Variants in FGF12 observed in about 807,000 individuals in gnomAD.
FGF12 encodes the protein fibroblast growth factor 12B.
Under a neutral mutation model 23.6 loss-of-function variants are expected in FGF12, and 14 were observed. The observed-to-expected ratio is 0.59, with a 90% CI of 0.39 to 0.93. The LOEUF (loss-of-function observed/expected upper bound fraction) is 0.93, where lower values mean the gene tolerates loss of function less well. FGF12 is among the 40% of genes least tolerant of loss of function. The pLI is 0.00. For missense variants in FGF12, 175 were observed against 217.8 expected (o/e 0.80, Z 1.24); for synonymous variants, 62 against 77.3 (o/e 0.80, Z 1.04).
chr3:192,311,020 A>G (rs1715904102), intron 4 of FGF12, among the ~76,000 whole-genome samples: 1 of 152,204 alleles, frequency 6.6e-6, no homozygotes, highest in South Asian at 2.1e-4. Flanking sequence ...TAATTCAATT[A>G]ATGTGTATTG....
At position 192,427,254 on chromosome 3, in the gene FGF12, G is replaced by A. The variant is rs535168620; in HGVS notation, c.14-66716C>T. ...AAATTAGCCGGATGTGGTGGCAAGC[G>A]CCCATAATCCCAGCTACTCAGGAGG... On this transcript the variant is annotated intron_variant, in intron 2 of 5. Transcript: ENST00000445105. Among the ~76,000 whole-genome samples, 18 of 152,062 alleles carry A rather than the reference G, an allele frequency of 1.2e-4. No individual in the cohort carries two copies. In the South Asian group the frequency reaches 2.1e-3, roughly 18 times the overall value.
rs115711364 is a variant in FGF12, at chr3:192,162,461, A to G, written c.427+7997T>C. The stretch of plus-strand genomic sequence containing the variant: ...GAGAAAGAGGAAGAATGTGTGGGGA[A>G]GAGGTAAGAGGGTTGTATTAAAGAC... On this transcript the variant is annotated intron_variant, in intron 5 of 5. Transcript: ENST00000445105. Among the ~76,000 whole-genome samples, 858 of 152,230 alleles carry G rather than the reference A, an allele frequency of 5.6e-3. 6 individuals carry two copies. Among genetic ancestry groups the G allele is most frequent in the African/African-American group, 0.019 (787 of 41,562 alleles).
chr3:192,563,570 C>T (rs1307464061), intron 2 of FGF12, among the ~76,000 whole-genome samples: 1 of 152,190 alleles, frequency 6.6e-6, no homozygotes, highest in Non-Finnish European at 1.5e-5. Context: ...TTGAGAATGG[C>T]ATTTTCATTA....
intron 2 of FGF12, among the ~76,000 whole-genome samples, chr3:192,559,977 C>A (rs1351407498): frequency 6.6e-6 from 1 of 152,042 alleles, no homozygotes; most frequent in Non-Finnish European, 1.5e-5. Flanking sequence ...GTTCAAGATT[C>A]ATTCATGATA....
intron 2 of FGF12, among the ~76,000 whole-genome samples, chr3:192,617,931 T>C (rs1308281457): frequency 2.0e-5 from 3 of 152,114 alleles, no homozygotes; most frequent in Non-Finnish European, 4.4e-5. Context: ...CCAGCTATCC[T>C]AGGTATTTTA....
chr3:192,351,418 A>G (rs956966511), intron 3 of FGF12, among the ~76,000 whole-genome samples: 2 of 152,220 alleles, frequency 1.3e-5, no homozygotes, highest in Admixed American at 6.5e-5. Context: ...TTGTCTTACA[A>G]TCGGTGATAT....
At chr3:192,163,407 C>T (rs560689367) in intron 5 of FGF12, among the ~76,000 whole-genome samples, 2 of 152,214 alleles carry the variant, frequency 1.3e-5, no homozygotes, top group East Asian at 3.9e-4. Flanking sequence ...AAAAATGTAA[C>T]ATATATAGTA....
At chr3:192,520,325 T>C (rs1180992292) in intron 2 of FGF12, among the ~76,000 whole-genome samples, 5 of 152,208 alleles carry the variant, frequency 3.3e-5, no homozygotes, top group African/African-American at 1.2e-4. Flanking sequence ...GTAACTTCTT[T>C]CTGACAGTGA....
At chr3:192,451,490 T>G (rs980350493) in intron 2 of FGF12, among the ~76,000 whole-genome samples, 22 of 152,166 alleles carry the variant, frequency 1.4e-4, no homozygotes, top group Non-Finnish European at 2.1e-4. Context: ...TTATTTGATG[T>G]CATTATGACT....
At chr3:192,195,285 G>A (rs66652825) in intron 4 of FGF12, among the ~76,000 whole-genome samples, 14,601 of 152,188 alleles carry the variant, frequency 0.096, 754 homozygotes, top group East Asian at 0.16. Flanking sequence ...CAGAGTCCAT[G>A]ATTTTTGTTA....
At chr3:192,679,886 G>A (rs1286366612) in intron 2 of FGF12, among the ~76,000 whole-genome samples, 1 of 152,180 alleles carries the variant, frequency 6.6e-6, no homozygotes, top group East Asian at 1.9e-4. Flanking sequence ...GGCAGGGAAG[G>A]AGAGAGTAAT....
intron 4 of FGF12, among the ~76,000 whole-genome samples, chr3:192,320,138 A>G (rs957762941): frequency 6.6e-6 from 1 of 152,210 alleles, no homozygotes; most frequent in Non-Finnish European, 1.5e-5. Context: ...ACATAGACAG[A>G]TACAAAGATG....
intron 4 of FGF12, among the ~76,000 whole-genome samples, chr3:192,253,732 TAAAAAG>T (rs1712189311): frequency 6.6e-6 from 1 of 152,054 alleles, no homozygotes; most frequent in South Asian, 2.1e-4. Context: ...ACTCTCGGCA[TAAAAAG>T]ATGCAGGAAA....
At chr3:192,335,726 T>C (rs923084134) in intron 3 of FGF12, among the ~76,000 whole-genome samples, 1 of 152,060 alleles carries the variant, frequency 6.6e-6, no homozygotes, top group African/African-American at 2.4e-5. Flanking sequence ...CCCAGCTGGA[T>C]CTGAGATTTC....
chr3:192,574,916 G>C (rs1046165302), intron 2 of FGF12, among the ~76,000 whole-genome samples: 9 of 152,188 alleles, frequency 5.9e-5, no homozygotes, highest in African/African-American at 2.2e-4. Flanking sequence ...CACAGAAACT[G>C]TGAGATAATG....
chr3:192,607,387 T>C (rs770469461), intron 2 of FGF12, among the ~76,000 whole-genome samples: 2 of 152,122 alleles, frequency 1.3e-5, no homozygotes, highest in Non-Finnish European at 2.9e-5. Flanking sequence ...GAACGAAGAA[T>C]GTGGTGGTAT....
intron 2 of FGF12, among the ~76,000 whole-genome samples, chr3:192,383,086 A>AGTAT (rs1719894228): frequency 1.3e-5 from 2 of 152,222 alleles, no homozygotes; most frequent in Non-Finnish European, 2.9e-5. Flanking sequence ...AGAAAGTGGA[A>AGTAT]GTATGTAATC....
intron 2 of FGF12, among the ~76,000 whole-genome samples, chr3:192,549,978 T>G (rs1353258814): frequency 6.6e-6 from 1 of 152,088 alleles, no homozygotes; most frequent in Admixed American, 6.6e-5. Flanking sequence ...CAAAAACATG[T>G]GAGCCAATCT....
chr3:192,497,923 G>C (rs575478139), intron 2 of FGF12, among the ~76,000 whole-genome samples: 49 of 152,126 alleles, frequency 3.2e-4, no homozygotes, highest in African/African-American at 1.2e-3. Context: ...ACATTATTTG[G>C]CTCACCACTG....
Sources: allele counts gnomAD v4.1 joint callset (sites outside exome capture counted in the v4.1 genomes callset), GRCh38; gene constraint gnomAD v4.1.1; transcripts MANE v1.5; gene names NCBI Gene and HGNC (gene_info 2026-07-23, HGNC 2026-07-21).